Variants in CALN1 observed in about 807,000 individuals in gnomAD.
The protein encoded by CALN1 is calcium-binding protein 8.
CALN1 carries 17 observed loss-of-function variants against 30.6 expected under a neutral mutation model. The observed-to-expected ratio is 0.56, with a 90% confidence interval of 0.38 to 0.83. CALN1 has a LOEUF of 0.83. Among genes scored for constraint, CALN1 ranks in the 40% least tolerant of loss-of-function variants. The pLI is 0.00. For synonymous variants in CALN1, 156 were observed against 131.4 expected (o/e 1.19, Z -1.28); for missense variants, 291 against 354.9 (o/e 0.82, Z 1.45).
chr7:72,058,598 C>T (rs1441968723), intron 4 of CALN1, among the ~76,000 whole-genome samples: 5 of 152,082 alleles, frequency 3.3e-5, no homozygotes, highest in Non-Finnish European at 7.4e-5. Flanking sequence ...GGATTACAGG[C>T]ACAAGCGACC....
chr7:72,059,391 G>A (rs561480181), intron 4 of CALN1, among the ~76,000 whole-genome samples: 48 of 152,110 alleles, frequency 3.2e-4, no homozygotes, highest in Non-Finnish European at 6.3e-4. Flanking sequence ...TGGGCAGATT[G>A]AAGCAAACCC....
intron 5 of CALN1, among the ~76,000 whole-genome samples, chr7:71,948,521 G>A (rs559634094): frequency 6.6e-6 from 1 of 151,972 alleles, no homozygotes; most frequent in Non-Finnish European, 1.5e-5. Flanking sequence ...CCTGAGGTCA[G>A]GAATTCCAGA....
intron 5 of CALN1, among the ~76,000 whole-genome samples, chr7:71,936,079 A>G (rs922217539): frequency 6.6e-6 from 1 of 152,198 alleles, no homozygotes; most frequent in African/African-American, 2.4e-5. Flanking sequence ...ACCAGAAGCC[A>G]TGTCAGAACT....
At chr7:71,831,268 C>T (rs1386637679) in intron 5 of CALN1, among the ~76,000 whole-genome samples, 1 of 152,152 alleles carries the variant, frequency 6.6e-6, no homozygotes, top group Non-Finnish European at 1.5e-5. Context: ...ATCATGAGAT[C>T]AGGAGTTCAA....
At chr7:72,060,479 C>T (rs1005284274) in intron 4 of CALN1, among the ~76,000 whole-genome samples, 1 of 152,128 alleles carries the variant, frequency 6.6e-6, no homozygotes, top group Non-Finnish European at 1.5e-5. Flanking sequence ...AGCTACCCCG[C>T]CATTTTGTGT....
intron 3 of CALN1, among the ~76,000 whole-genome samples, chr7:72,220,441 G>A (rs369639480): frequency 1.1e-4 from 17 of 151,400 alleles, no homozygotes; most frequent in East Asian, 3.9e-4. Flanking sequence ...CCAGTCTATT[G>A]TTGTTGGACA....
chr7:71,793,367 C>T (rs555383251), intron 6 of CALN1, among the ~76,000 whole-genome samples: 64 of 152,260 alleles, frequency 4.2e-4, no homozygotes, highest in African/African-American at 1.5e-3. Context: ...TGTAGCAGCT[C>T]TGAAATAGAC....
chr7:72,116,026 T>C (rs1216521580), intron 3 of CALN1, among the ~76,000 whole-genome samples: 1 of 152,104 alleles, frequency 6.6e-6, no homozygotes, highest in Non-Finnish European at 1.5e-5. Context: ...TGAATAACAG[T>C]CCATTGTGTA....
At chr7:72,396,194 C>G (rs1413997816) in intron 2 of CALN1, among the ~76,000 whole-genome samples, 3 of 135,544 alleles carry the variant, frequency 2.2e-5, no homozygotes, top group Non-Finnish European at 4.6e-5. Flanking sequence ...GTCAGGAGTT[C>G]GAGACCAGCC....
At chr7:72,203,166 C>G (rs1043024770) in intron 3 of CALN1, among the ~76,000 whole-genome samples, 1 of 151,924 alleles carries the variant, frequency 6.6e-6, no homozygotes, top group African/African-American at 2.4e-5. Flanking sequence ...GAGGGGAACA[C>G]CACACACCAG....
At chr7:72,494,376 T>G in the CALN1 span, among the ~76,000 whole-genome samples, 1 of 152,190 alleles carries the variant, frequency 6.6e-6, no homozygotes, top group African/African-American at 2.4e-5. Context: ...TTACCTTTAT[T>G]TGTTCACTAA....
At chr7:72,431,602 G>A (rs1807981223) in intron 1 of CALN1, among the ~76,000 whole-genome samples, 1 of 152,142 alleles carries the variant, frequency 6.6e-6, no homozygotes, top group African/African-American at 2.4e-5. Context: ...ACTTTGGGGG[G>A]CCAAGGCTGG....
At chr7:71,971,997 A>AAGAAAGAAAG (rs1562946869) in intron 5 of CALN1, among the ~76,000 whole-genome samples, 7 of 143,702 alleles carry the variant, frequency 4.9e-5, no homozygotes, top group African/African-American at 1.3e-4. Flanking sequence ...AAGAAAGAGA[A>AAGAAAGAAAG]AGAAAGAAAA....
intron 4 of CALN1, among the ~76,000 whole-genome samples, chr7:72,074,047 G>A (rs1181794578): frequency 2.6e-5 from 4 of 152,054 alleles, no homozygotes; most frequent in Non-Finnish European, 5.9e-5. Context: ...GCAAGGAGTC[G>A]GATAAGAACT....
At chr7:72,286,215 G>A (rs565617817) in intron 2 of CALN1, among the ~76,000 whole-genome samples, 1 of 151,804 alleles carries the variant, frequency 6.6e-6, no homozygotes, top group African/African-American at 2.4e-5. Context: ...CATAACAGCA[G>A]GCAATCACCC....
At chr7:72,309,802 C>G (rs547066572) in intron 2 of CALN1, among the ~76,000 whole-genome samples, 11 of 152,324 alleles carry the variant, frequency 7.2e-5, no homozygotes, top group African/African-American at 2.4e-4. Flanking sequence ...CATCTCTCTA[C>G]TCTCTCCTGA....
chr7:71,971,474 A>G (rs1424234374), intron 5 of CALN1, among the ~76,000 whole-genome samples: 1 of 152,038 alleles, frequency 6.6e-6, no homozygotes, highest in Non-Finnish European at 1.5e-5. Context: ...CAAACAAACA[A>G]AAAACCCCGA....
At chr7:72,239,343 C>G (rs1332855185) in intron 3 of CALN1, among the ~76,000 whole-genome samples, 1 of 152,028 alleles carries the variant, frequency 6.6e-6, no homozygotes, top group Non-Finnish European at 1.5e-5. Flanking sequence ...CTATAATAAG[C>G]TATGATTGCA....
At chr7:72,378,862 C>G (rs538893957) in intron 2 of CALN1, among the ~76,000 whole-genome samples, 1 of 152,256 alleles carries the variant, frequency 6.6e-6, no homozygotes, top group East Asian at 1.9e-4. Context: ...GCCACTGCGC[C>G]CAGCCTGTAT....
Sources: allele counts gnomAD v4.1 joint callset (sites outside exome capture counted in the v4.1 genomes callset), GRCh38; gene constraint gnomAD v4.1.1; transcripts MANE v1.5; gene names NCBI Gene and HGNC (gene_info 2026-07-23, HGNC 2026-07-21).